Variants in SBF2 observed in about 807,000 individuals in gnomAD.
SBF2 encodes the protein SET binding factor 2.
Under a neutral mutation model 225.2 loss-of-function variants are expected in SBF2, and 112 were observed. That is an observed-to-expected ratio of 0.50 (90% CI 0.43 to 0.58). The LOEUF is 0.58. Among genes scored for constraint, SBF2 ranks in the 20% least tolerant of loss-of-function variants. SBF2 has a pLI of 0.00. For synonymous variants in SBF2, 763 were observed against 773.3 expected (o/e 0.99, Z 0.22); for missense variants, 1,996 against 2,206.2 (o/e 0.90, Z 1.91).
chr11:9,815,466 A>AAT (rs1854409172), intron 29 of SBF2, among the ~76,000 whole-genome samples: 1 of 149,592 alleles, frequency 6.7e-6, no homozygotes, highest in African/African-American at 2.5e-5. Context: ...ACTTAAAAAA[A>AAT]ATATAATAAT....
chr11:9,846,702 C>T (rs979322220), intron 23 of SBF2, among the ~76,000 whole-genome samples: 1 of 152,166 alleles, frequency 6.6e-6, no homozygotes, highest in Admixed American at 6.6e-5. Flanking sequence ...AAGAACCAAT[C>T]GTACTTGTCT....
intron 17 of SBF2, among the ~76,000 whole-genome samples, chr11:9,860,303 C>A (rs1340095440): frequency 1.4e-5 from 2 of 137,980 alleles, no homozygotes; most frequent in East Asian, 2.1e-4. Context: ...GGCTTTGTTA[C>A]CCAGGCTGGA....
intron 16 of SBF2, among the ~76,000 whole-genome samples, chr11:9,927,326 C>G (rs1446364727): frequency 6.6e-6 from 1 of 151,950 alleles, no homozygotes; most frequent in Non-Finnish European, 1.5e-5. Flanking sequence ...GCAATAATAC[C>G]AATTCTAGAC....
chr11:9,851,059 C>G (rs954813419), intron 21 of SBF2, among the ~76,000 whole-genome samples: 1 of 146,296 alleles, frequency 6.8e-6, no homozygotes, highest in Non-Finnish European at 1.5e-5. Context: ...TCGCTTGAAC[C>G]TGGGAGGGGG....
At chr11:10,263,676 G>A (rs1186928246) in intron 1 of SBF2, among the ~76,000 whole-genome samples, 3 of 151,998 alleles carry the variant, frequency 2.0e-5, no homozygotes, top group Non-Finnish European at 4.4e-5. Context: ...GAAGCCTTTG[G>A]CTACATTAGA....
rs187299988 is a variant in SBF2, at chr11:10,134,157, G to C, written c.141+59745C>G. Among the ~76,000 whole-genome samples, 18 of 152,266 alleles carry C rather than the reference G, an allele frequency of 1.2e-4. No individual in the cohort carries two copies. The East Asian group carries it at 1.4e-3, about 11-fold the overall frequency. ...TCACATGGCGGCAGACAAGAGAAGA[G>C]AACATATATATACAGGGAAACTCCC... On this transcript the variant is annotated intron_variant, in intron 2 of 39. Coordinates refer to ENST00000256190, the MANE Select transcript of SBF2 (RefSeq NM_030962.4).
intron 1 of SBF2, among the ~76,000 whole-genome samples, chr11:10,261,684 T>C (rs1416034371): frequency 2.0e-5 from 3 of 152,224 alleles, no homozygotes; most frequent in Admixed American, 6.5e-5. Flanking sequence ...AGAATATTCA[T>C]AGCAGTTTAT....
chr11:9,835,356 C>CAA (rs1163136650), intron 26 of SBF2, among the ~76,000 whole-genome samples: 4 of 152,102 alleles, frequency 2.6e-5, no homozygotes, highest in Admixed American at 2.6e-4. Context: ...TGGTGGCTTA[C>CAA]ACCTGTAATC....
At chr11:10,236,062 T>A (rs952433869) in intron 1 of SBF2, among the ~76,000 whole-genome samples, 2 of 152,006 alleles carry the variant, frequency 1.3e-5, no homozygotes, top group African/African-American at 2.4e-5. Flanking sequence ...CAGAGCGAGA[T>A]CTTGTCTCAA....
chr11:10,217,100 T>C (rs1420999656), intron 1 of SBF2, among the ~76,000 whole-genome samples: 4 of 152,304 alleles, frequency 2.6e-5, no homozygotes, highest in South Asian at 2.1e-4. Context: ...AGGTTTAATG[T>C]AATAAAGTAT....
intron 17 of SBF2, among the ~76,000 whole-genome samples, chr11:9,882,427 A>G (rs933884459): frequency 6.6e-6 from 1 of 152,210 alleles, no homozygotes; most frequent in Non-Finnish European, 1.5e-5. Context: ...ACTTCAGCAG[A>G]TATCTGTAAT....
chr11:10,138,379 G>A (rs1488189659), intron 2 of SBF2, among the ~76,000 whole-genome samples: 1 of 152,000 alleles, frequency 6.6e-6, no homozygotes, highest in Non-Finnish European at 1.5e-5. Context: ...ATTTGTTCTA[G>A]GGGTGTAACA....
intron 13 of SBF2, among the ~76,000 whole-genome samples, chr11:9,969,491 A>G (rs1867185837): frequency 6.6e-6 from 1 of 152,154 alleles, no homozygotes; most frequent in Admixed American, 6.5e-5. Flanking sequence ...GCCTTTCTAT[A>G]TGATGTGTCC....
At chr11:10,288,981 C>A (rs12291905) in intron 1 of SBF2, among the ~76,000 whole-genome samples, 2,239 of 152,258 alleles carry the variant, frequency 0.015, 52 homozygotes, top group African/African-American at 0.049. Flanking sequence ...CCGCCATCCA[C>A]GACGCCCAGG....
chr11:9,962,752 T>A (rs983950350), intron 15 of SBF2, among the ~76,000 whole-genome samples: 6 of 152,082 alleles, frequency 3.9e-5, no homozygotes, highest in African/African-American at 1.4e-4. Context: ...TTACTTCACA[T>A]ATAATAATAA....
intron 2 of SBF2, among the ~76,000 whole-genome samples, chr11:10,129,100 CTTTTT>C (rs757476668): frequency 1.2e-4 from 11 of 89,952 alleles, no homozygotes; most frequent in African/African-American, 1.6e-4. Flanking sequence ...AATTTTCTCT[CTTTTT>C]TTTTTTTTTT....
chr11:9,924,747 T>A (rs1219823666), intron 16 of SBF2, among the ~76,000 whole-genome samples: 1 of 151,526 alleles, frequency 6.6e-6, no homozygotes, highest in Non-Finnish European at 1.5e-5. Flanking sequence ...TTCTTATTTT[T>A]ATTTATTTAT....
intron 2 of SBF2, among the ~76,000 whole-genome samples, chr11:10,119,551 T>C (rs992355581): frequency 2.6e-5 from 4 of 152,212 alleles, no homozygotes. Flanking sequence ...TTATCTTGTA[T>C]ACACTGGTCA....
intron 32 of SBF2, among the ~76,000 whole-genome samples, chr11:9,796,237 T>C (rs180764196): frequency 3.3e-4 from 50 of 152,172 alleles, no homozygotes; most frequent in Non-Finnish European, 8.8e-5. Flanking sequence ...CACTTTACAA[T>C]TGAGAAAGCA....
Sources: allele counts gnomAD v4.1 joint callset (sites outside exome capture counted in the v4.1 genomes callset), GRCh38; gene constraint gnomAD v4.1.1; transcripts MANE v1.5; gene names NCBI Gene and HGNC (gene_info 2026-07-23, HGNC 2026-07-21).